The following DDX60 variants were observed in gnomAD, a reference collection of about 807,000 sequenced individuals.
The protein encoded by DDX60 is probable ATP-dependent RNA helicase DDX60.
In DDX60, 165 loss-of-function variants were observed where a neutral mutation model predicts 212.8. The observed-to-expected ratio is 0.78, with a 90% CI of 0.68 to 0.88. DDX60 has a LOEUF of 0.88. Ranked by LOEUF, DDX60 falls within the 40% of genes least tolerant of loss-of-function variation. The pLI, the probability that DDX60 is intolerant of heterozygous loss-of-function variation, is 0.00. For synonymous variants in DDX60, 703 were observed against 685.3 expected, an observed-to-expected ratio of 1.03 and a Z score of -0.40; for missense variants, 1,905 against 2,003.9, an observed-to-expected ratio of 0.95 and a Z score of 0.94.
intron 8 of DDX60, among the ~76,000 whole-genome samples, chr4:168,291,461 T>C (rs1736097045): frequency 6.6e-6 from 1 of 152,204 alleles, no homozygotes; most frequent in African/African-American, 2.4e-5. Flanking sequence ...ACCACAGTGA[T>C]CACCAACCAT....
intron 17 of DDX60, 108 bp downstream of exon 17, chr4:168,273,826 T>A: frequency 2.3e-6 from 3 of 1,310,826 alleles, no homozygotes; most frequent in Non-Finnish European, 3.1e-6. Context: ...AACAAGAAAA[T>A]GCAGGTTAAA....
At chr4:168,252,153 A>G (rs1432312317) in intron 27 of DDX60, among the ~76,000 whole-genome samples, 1 of 152,234 alleles carries the variant, frequency 6.6e-6, no homozygotes, top group Non-Finnish European at 1.5e-5. Flanking sequence ...CTGTGGAAAC[A>G]ATGTAATAGA....
intron 11 of DDX60, 43 bp from the exon 12 acceptor site, chr4:168,284,978 A>G (rs774134508): frequency 2.1e-6 from 2 of 932,144 alleles, no homozygotes; most frequent in Admixed American, 2.2e-5. Context: ...CACACTTCCA[A>G]ATATAACACA....
intron 20 of DDX60, among the ~76,000 whole-genome samples, chr4:168,268,382 T>C (rs1734942032): frequency 6.6e-6 from 1 of 152,086 alleles, no homozygotes; most frequent in South Asian, 2.1e-4. Flanking sequence ...AAATAACTAT[T>C]ATTATAAAGT....
At chr4:168,275,287 C>A in intron 16 of DDX60, 58 bp downstream of exon 16, 2 of 1,440,322 alleles carry the variant, frequency 1.4e-6, no homozygotes, top group South Asian at 1.5e-5. Flanking sequence ...AATGAGAAAC[C>A]TCTGAGATCA....
rs376560396 is a variant in DDX60, at chr4:168,243,106, A to G, written c.4164+3312T>C. Among the ~76,000 whole-genome samples, 43 of 152,280 alleles carry G rather than the reference A, an allele frequency of 2.8e-4. 2 individuals are homozygous for G. In the East Asian group the frequency reaches 8.3e-3, roughly 29 times the overall value. ...TTGCTCCTCCTTGCCTTCTGCCATGATTGTGAGGCCTCCCCAACCATGTGG... is the reference window on the plus strand; with the variant it reads ...TTGCTCCTCCTTGCCTTCTGCCATGGTTGTGAGGCCTCCCCAACCATGTGG... On this transcript the variant is annotated intron_variant, in intron 30 of 37. Transcript: ENST00000393743.
intron 33 of DDX60, among the ~76,000 whole-genome samples, chr4:168,226,587 T>C (rs1196107764): frequency 1.3e-5 from 2 of 152,124 alleles, no homozygotes; most frequent in African/African-American, 4.8e-5. Flanking sequence ...GATATTTCGA[T>C]GCAGGCATGT....
At position 168,231,193 on chromosome 4, in the gene DDX60, G is replaced by C. The variant is rs531406664; in HGVS notation, c.4533+5059C>G. ...TCTGAACAGACCAATAACAAGCAGT[G>C]AGATTGAAATGGTATATATTTTTTA... On this transcript the variant is annotated intron_variant, in intron 33 of 37. Coordinates refer to ENST00000393743, the MANE Select transcript of DDX60 (RefSeq NM_017631.6). Among the ~76,000 whole-genome samples, 23 of 152,008 alleles carry C rather than the reference G, an allele frequency of 1.5e-4. 1 individual carries two copies. In the South Asian group the frequency reaches 4.6e-3, roughly 30 times the overall value.
intron 28 of DDX60, among the ~76,000 whole-genome samples, chr4:168,249,626 G>A (rs1434376621): frequency 1.3e-5 from 2 of 151,992 alleles, no homozygotes; most frequent in Non-Finnish European, 2.9e-5. Context: ...ATTAGTAATT[G>A]AGCAACTACT....
At chr4:168,318,090 A>C (rs1737481291) in intron 1 of DDX60, among the ~76,000 whole-genome samples, 1 of 152,220 alleles carries the variant, frequency 6.6e-6, no homozygotes, top group Non-Finnish European at 1.5e-5. Flanking sequence ...CTGCCCCTTG[A>C]CCAGGAATAA....
At chr4:168,323,312 TA>T (rs1255132722), upstream of DDX60, among the ~76,000 whole-genome samples, 1 of 152,100 alleles carries the variant, frequency 6.6e-6, no homozygotes, top group Non-Finnish European at 1.5e-5. Context: ...TTATGACCAA[TA>T]AAAACAATTG....
intron 2 of DDX60, 58 bp downstream of exon 2, chr4:168,311,198 T>A (rs958838962): frequency 1.3e-6 from 2 of 1,569,082 alleles, no homozygotes. Context: ...ATTAAATCTA[T>A]GTAGTTTACA....
intron 25 of DDX60, among the ~76,000 whole-genome samples, chr4:168,258,673 T>C (rs1049866380): frequency 6.6e-6 from 1 of 152,150 alleles, no homozygotes; most frequent in Non-Finnish European, 1.5e-5. Context: ...TTCTGAAATA[T>C]TTTAGTTTTA....
In DDX60 at chr4:168,221,745, A is replaced by G; in HGVS notation, c.4961T>C (p.Leu1654Ser). The G allele has an allele frequency of 6.2e-7, 1 of 1,612,670 alleles. No homozygotes were observed. ...DFYKHGSLIG[L>S]VQDNRMNEGD... ...GAGGACATACCTGTTATCCTGGACT[A>G]ATCCTATCAAGGAACCATGTTTGTA... is the stretch of plus-strand genomic sequence containing the variant. Residue 1654 changes from leucine to serine, a missense_variant, in exon 36 of 38, where the codon TTA becomes TCA. Transcript: ENST00000393743.
At chr4:168,265,342 A>T (rs1734797814) in intron 22 of DDX60, 1 of 152,166 alleles carries the variant, frequency 6.6e-6, no homozygotes, top group Admixed American at 6.5e-5. Context: ...AATGGACTAC[A>T]CAAGACCAGG....
chr4:168,236,037 C>CT (rs559818728), intron 33 of DDX60: 86 of 436,574 alleles, frequency 2.0e-4, no homozygotes, highest in Middle Eastern at 6.2e-4. Flanking sequence ...TGTTTATCCT[C>CT]TTTTTTTTCA....
rs753586549 is a variant in DDX60 at position 168,261,986 on chromosome 4, C to T, written c.3273+14G>A. On this transcript the variant is annotated intron_variant, in intron 24 of 37. Coordinates refer to ENST00000393743, the MANE Select transcript of DDX60 (RefSeq NM_017631.6). ...ACAAAAATAAAGTTTGGCCAAAAAG[C>T]GTATGAAAATTACCTGCTCTACGTT... The T allele has an allele frequency of 1.8e-5, 29 of 1,579,164 alleles. No homozygotes were observed. The highest frequency in any genetic ancestry group is 2.4e-5 in the Non-Finnish European group (28 of 1,168,422).
chr4:168,267,799 A>G (rs1380097856), intron 21 of DDX60, 42 bp downstream of exon 21: 1 of 1,556,304 alleles, frequency 6.4e-7, no homozygotes, highest in Non-Finnish European at 8.7e-7. Context: ...TTTAAAAATA[A>G]TAAAATAAAA....
intron 33 of DDX60, among the ~76,000 whole-genome samples, chr4:168,229,667 C>A (rs1023595626): frequency 2.0e-5 from 3 of 151,884 alleles, no homozygotes; most frequent in Non-Finnish European, 4.4e-5. Context: ...ATAAATTCAG[C>A]GCTATTGGGG....
Sources: allele counts gnomAD v4.1 joint callset (sites outside exome capture counted in the v4.1 genomes callset), GRCh38; gene constraint gnomAD v4.1.1; transcripts MANE v1.5; gene names NCBI Gene and HGNC (gene_info 2026-07-23, HGNC 2026-07-21).